FBLN1: variants seen among roughly 807,000 people sequenced by gnomAD.
The protein encoded by FBLN1 is fibulin-1.
FBLN1 carries 34 observed loss-of-function variants against 89.7 expected under a neutral mutation model. That is an observed-to-expected ratio of 0.38 (90% confidence interval 0.29 to 0.50). The LOEUF (loss-of-function observed/expected upper bound fraction) is 0.50, where lower values mean the gene tolerates loss of function less well. Ranked by LOEUF, FBLN1 falls within the 20% of genes least tolerant of loss-of-function variation. The pLI is 0.92. For missense variants in FBLN1, 777 were observed against 988.1 expected, an observed-to-expected ratio of 0.79 and a Z score of 2.86; for synonymous variants, 393 against 391.3, an observed-to-expected ratio of 1.00 and a Z score of -0.05.
rs2088689163 is a variant in FBLN1, at chr22:45,550,595, C to T, written c.1677C>T (p.Asn559=). ...FRCLAFECPE[N]YRRSAATLQQ... is the part of the protein sequence containing the mutation. Reference sequence around the variant, plus strand: ...GCCTGGCCTTCGAGTGCCCTGAGAACTACCGCCGCTCCGCAGCCACGTAAG... The same window carrying T: ...GCCTGGCCTTCGAGTGCCCTGAGAATTACCGCCGCTCCGCAGCCACGTAAG... The change falls in exon 14 of 17, where the codon AAC becomes AAT. Residue 559 remains asparagine, a synonymous_variant. Coordinates refer to ENST00000327858, the MANE Select transcript of FBLN1 (RefSeq NM_006486.3). This position sits in a 1 kb window ranked among gnomAD's most constrained non-coding sequence, Gnocchi z 8.4. 3 of 1,614,094 alleles carry T rather than the reference C, an allele frequency of 1.9e-6. No individual in the cohort carries two copies. Among genetic ancestry groups the T allele is most frequent in the Non-Finnish European group, 2.5e-6 (3 of 1,180,050 alleles).
chr22:45,523,611 G>A (rs927664403), intron 2 of FBLN1, among the ~76,000 whole-genome samples: 2 of 152,190 alleles, frequency 1.3e-5, no homozygotes, highest in African/African-American at 2.4e-5. Context: ...GGCTGAGGCA[G>A]GAGAATCACT....
Position 45,583,078 on chromosome 22 carries a change from G to C in FBLN1, c.1972+5970G>C, listed in dbSNP as rs2089055947. On this transcript the variant is annotated intron_variant, in intron 16 of 16. Coordinates refer to ENST00000327858, the MANE Select transcript of FBLN1 (RefSeq NM_006486.3). The surrounding 1 kb of genome is among the most constrained non-coding windows in gnomAD (Gnocchi z 4.5). ...CCATATGCTGTTAGATCCTCGAGCA[G>C]CCTTGTGGGACAGCCACCCTGGGGC... is the stretch of plus-strand genomic sequence containing the variant. 6.6e-6 allele frequency among the ~76,000 whole-genome samples: 1 copy of C among 152,126 alleles called. No individual in the cohort carries two copies. The highest frequency in any genetic ancestry group is 2.4e-5 in the African/African-American group (1 of 41,424).
intron 8 of FBLN1, among the ~76,000 whole-genome samples, chr22:45,540,245 C>G (rs2088537473): frequency 6.6e-6 from 1 of 152,166 alleles, no homozygotes; most frequent in African/African-American, 2.4e-5. Flanking sequence ...AGTCTCCGGA[C>G]CTTGGTTTCC....
chr22:45,598,486 G>A (rs541203993), intron 16 of FBLN1, among the ~76,000 whole-genome samples: 7 of 152,316 alleles, frequency 4.6e-5, no homozygotes, highest in South Asian at 2.1e-4. Flanking sequence ...CTGTTTGGCC[G>A]CAGACACTGG....
rs564431025 is a variant in FBLN1 at position 45,505,365 on chromosome 22, G to A, written c.79+2301G>A. Among the ~76,000 whole-genome samples, 214 of 152,014 alleles carry A rather than the reference G, an allele frequency of 1.4e-3. 1 individual carries two copies. Among genetic ancestry groups the A allele is most frequent in the South Asian group, 0.013 (65 of 4,828 alleles). The stretch of plus-strand genomic sequence containing the variant: ...ACGTGTGGTCTGTGCCGCCACTCCT[G>A]GAAGTTTCCCAGTCAGGAGGTGGGG... On this transcript the variant is annotated intron_variant, in intron 1 of 16. Coordinates refer to ENST00000327858, the MANE Select transcript of FBLN1 (RefSeq NM_006486.3).
chr22:45,574,845 C>G lies in FBLN1; in HGVS notation c.1840+192C>G, dbSNP rs1301659676. On this transcript the variant is annotated intron_variant, in intron 15 of 16. Coordinates refer to ENST00000327858, the MANE Select transcript of FBLN1 (RefSeq NM_006486.3). This position sits in a 1 kb window ranked among gnomAD's most constrained non-coding sequence, Gnocchi z 4.1. ...CGCCCGGGCTGGAGTGCAGTGGTGC[C>G]ATCTCGGCTCACTGCAAGCTCCACC... 4.7e-5 allele frequency among the ~76,000 whole-genome samples: 7 copies of G among 150,206 alleles called. No homozygotes were observed. The highest frequency in any genetic ancestry group is 3.5e-3 in the Middle Eastern group (1 of 288).
intron 2 of FBLN1, 97 bp downstream of exon 2, chr22:45,518,884 G>T: frequency 8.9e-7 from 1 of 1,124,966 alleles, no homozygotes. Flanking sequence ...CTCGGGAGAG[G>T]CTGGACACCC....
chr22:45,560,767 C>T lies in FBLN1; in HGVS notation c.1697+10152C>T, dbSNP rs62225028. 6.0e-3 allele frequency among the ~76,000 whole-genome samples: 911 copies of T among 152,236 alleles called. 4 individuals are homozygous for T. The highest frequency in any genetic ancestry group is 0.027 in the Middle Eastern group (8 of 294). On this transcript the variant is annotated intron_variant, in intron 14 of 16. Transcript: ENST00000327858. Reference sequence around the variant, plus strand: ...GTTCTTTTCGAGTGTAGCTCACTTCCTCATGGGTCACACTCTCAACCTCAT... The same window carrying T: ...GTTCTTTTCGAGTGTAGCTCACTTCTTCATGGGTCACACTCTCAACCTCAT...
intron 1 of FBLN1, among the ~76,000 whole-genome samples, chr22:45,513,302 A>G (rs1602162218): frequency 7.5e-6 from 1 of 134,136 alleles, no homozygotes; most frequent in Non-Finnish European, 1.6e-5. Flanking sequence ...CATTTTAACC[A>G]TTTCCTTTTT....
intron 14 of FBLN1, among the ~76,000 whole-genome samples, chr22:45,560,981 CG>C (rs1569256997): frequency 6.6e-6 from 1 of 151,944 alleles, no homozygotes; most frequent in Non-Finnish European, 1.5e-5. Flanking sequence ...TGGGTCGGGG[CG>C]GGGATGTTGC....
rs2088618085 is a variant in FBLN1 at position 45,545,715 on chromosome 22, AT to A, written c.1322-1369del. Among the ~76,000 whole-genome samples the A allele has an allele frequency of 6.6e-6, 1 of 152,112 alleles. No individual in the cohort carries two copies. Among genetic ancestry groups the A allele is most frequent in the African/African-American group, 2.4e-5 (1 of 41,434 alleles). ...GGCCTGGTGTGTGGGGGCCACAGAG[AT>A]GAAACACGGGGTGGAAGGCTATTGG... On this transcript the variant is annotated intron_variant, in intron 11 of 16. Transcript: ENST00000327858. The surrounding 1 kb of genome is among the most constrained non-coding windows in gnomAD (Gnocchi z 5.9).
chr22:45,599,072 C>A (rs1379113358), intron 16 of FBLN1, among the ~76,000 whole-genome samples: 6 of 152,218 alleles, frequency 3.9e-5, no homozygotes, highest in African/African-American at 1.4e-4. Flanking sequence ...TTGTGGCACC[C>A]ACTCCCTTAC....
At chr22:45,517,578 C>G (rs150748152) in intron 1 of FBLN1, 1 of 471,140 alleles carries the variant, frequency 2.1e-6, no homozygotes, top group Non-Finnish European at 4.4e-6. Flanking sequence ...GCCCTTTTTG[C>G]GAGTGGGAGA....
chr22:45,549,381 G>A lies in FBLN1; in HGVS notation c.1573+637G>A, dbSNP rs901728876. Among the ~76,000 whole-genome samples the A allele has an allele frequency of 1.3e-5, 2 of 152,188 alleles. No individual in the cohort carries two copies. The highest frequency in any genetic ancestry group is 1.3e-4 in the Admixed American group (2 of 15,284). ...GGTGGGGCTGTCCAGCCAGTTCCTC[G>A]GGAGCCCCACACAGGACTGTGGATC... is the stretch of plus-strand genomic sequence containing the variant. On this transcript the variant is annotated intron_variant, in intron 13 of 16. Coordinates refer to ENST00000327858, the MANE Select transcript of FBLN1 (RefSeq NM_006486.3). The surrounding 1 kb of genome is among the most constrained non-coding windows in gnomAD (Gnocchi z 5.7).
chr22:45,560,493 C>A (rs930372550), intron 14 of FBLN1, among the ~76,000 whole-genome samples: 2 of 152,192 alleles, frequency 1.3e-5, no homozygotes, highest in African/African-American at 4.8e-5. Flanking sequence ...GAAGACCAAG[C>A]ATTTCCAGCT....
intron 1 of FBLN1, among the ~76,000 whole-genome samples, chr22:45,508,639 G>A (rs773187240): frequency 8.5e-5 from 13 of 152,176 alleles, no homozygotes; most frequent in Non-Finnish European, 1.0e-4. Context: ...GAGTGTGATG[G>A]TGGGGTGTGT....
In FBLN1 at chr22:45,532,151, C is replaced by A. The variant is rs1254390397; in HGVS notation, c.544+827C>A. ...GGGCCAGTTTAATTCTTAAATGATGCAGTCAGTGTACAGTGACAGTTGGTC... is the reference window on the plus strand; with the variant it reads ...GGGCCAGTTTAATTCTTAAATGATGAAGTCAGTGTACAGTGACAGTTGGTC... On this transcript the variant is annotated intron_variant, in intron 5 of 16. Transcript: ENST00000327858. This position sits in a 1 kb window ranked among gnomAD's most constrained non-coding sequence, Gnocchi z 4.2. Among the ~76,000 whole-genome samples the A allele has an allele frequency of 6.6e-6, 1 of 152,182 alleles. No individual in the cohort carries two copies. Among genetic ancestry groups the A allele is most frequent in the African/African-American group, 2.4e-5 (1 of 41,436 alleles).
At chr22:45,540,618 G>A (rs570994472) in intron 8 of FBLN1, among the ~76,000 whole-genome samples, 7 of 152,300 alleles carry the variant, frequency 4.6e-5, no homozygotes, top group Admixed American at 6.5e-5. Context: ...TTCTTCCTCC[G>A]AATTTGAGCA....
At position 45,574,290 on chromosome 22, in the gene FBLN1, G is replaced by C. The variant is rs1177289639; in HGVS notation, c.1698-221G>C. Among the ~76,000 whole-genome samples the C allele has an allele frequency of 6.6e-6, 1 of 152,242 alleles. No homozygotes were observed. Among genetic ancestry groups the C allele is most frequent in the African/African-American group, 2.4e-5 (1 of 41,464 alleles). ...CGCCAGGGCACATGGAAGCTGGAGG[G>C]TGTTGCTGGCATTTAGGTCCCGGTC... On this transcript the variant is annotated intron_variant, in intron 14 of 16. Transcript: ENST00000327858. This position sits in a 1 kb window ranked among gnomAD's most constrained non-coding sequence, Gnocchi z 4.1.
Sources: allele counts gnomAD v4.1 joint callset (sites outside exome capture counted in the v4.1 genomes callset), GRCh38; gene constraint gnomAD v4.1.1; non-coding constraint Gnocchi (gnomAD v3.1); transcripts MANE v1.5; gene names NCBI Gene and HGNC (gene_info 2026-07-23, HGNC 2026-07-21).